The following ZBTB16 variants were observed in gnomAD, a reference collection of about 807,000 sequenced individuals.
The protein encoded by ZBTB16 is zinc finger and BTB domain containing 16.
A neutral mutation model predicts 56.8 loss-of-function variants in ZBTB16; 8 were observed. The observed-to-expected ratio is 0.14, with a 90% confidence interval of 0.08 to 0.25. The LOEUF (loss-of-function observed/expected upper bound fraction) is 0.25. Among genes scored for constraint, ZBTB16 ranks in the 10% least tolerant of loss-of-function variants. ZBTB16 has a pLI of 1.00. For synonymous variants in ZBTB16, 363 were observed against 368.5 expected (o/e 0.98, Z 0.17); for missense variants, 625 against 903.0 (o/e 0.69, Z 3.95).
intron 2 of ZBTB16, among the ~76,000 whole-genome samples, chr11:114,145,761 A>G (rs185829868): frequency 6.6e-6 from 1 of 152,272 alleles, no homozygotes; most frequent in East Asian, 1.9e-4. Context: ...CAAACCAGTG[A>G]ATGGTATACT....
At chr11:114,096,418 A>T (rs377187582) in intron 2 of ZBTB16, among the ~76,000 whole-genome samples, 1 of 152,206 alleles carries the variant, frequency 6.6e-6, no homozygotes, top group African/African-American at 2.4e-5. Flanking sequence ...CCGTTGAGAG[A>T]TGGGAGAATA....
At position 114,064,011 on chromosome 11, in the gene ZBTB16, G is replaced by A. The variant is rs539652875; in HGVS notation, c.711G>A (p.Gly237=). ...TGGCTGGGGGTGGGCGGCACCCTGG[G>A]GTGGCTGAGGTGAAGACGGAGATGA... is the stretch of plus-strand genomic sequence containing the variant. ...PTLAGGGRHP[G]VAEVKTEMMQ... Residue 237 remains glycine, a synonymous_variant, in exon 2 of 7, where the codon GGG becomes GGA. Coordinates refer to ENST00000335953, the MANE Select transcript of ZBTB16 (RefSeq NM_006006.6). This position sits in a 1 kb window ranked among gnomAD's most constrained non-coding sequence, Gnocchi z 4.2. 22 of 1,613,306 alleles carry A rather than the reference G, an allele frequency of 1.4e-5. No individual in the cohort carries two copies. In the East Asian group the frequency reaches 4.5e-4, roughly 33 times the overall value.
intron 2 of ZBTB16, among the ~76,000 whole-genome samples, chr11:114,148,160 C>T (rs535824287): frequency 1.1e-4 from 17 of 152,220 alleles, no homozygotes; most frequent in Non-Finnish European, 2.4e-4. Context: ...TGTGTTTTAG[C>T]ACTCGCAGGC....
Position 114,063,223 on chromosome 11 carries a change from G to A in ZBTB16, c.-78G>A. The A allele has an allele frequency of 6.5e-7, 1 of 1,528,420 alleles. No homozygotes were observed. The allele number at this position is 1,528,420 out of a possible 1,614,324, so 94.7% of individuals were successfully genotyped here. On this transcript the variant is annotated 5_prime_UTR_variant, in exon 2 of 7. Coordinates refer to ENST00000335953, the MANE Select transcript of ZBTB16 (RefSeq NM_006006.6). This position sits in a 1 kb window ranked among gnomAD's most constrained non-coding sequence, Gnocchi z 6.5. ...TTCTTTCTCCTAGCCTCCTCTATTGGCCCAGGAAGCCCACCCAGCCCCGCC... is the reference window on the plus strand; with the variant it reads ...TTCTTTCTCCTAGCCTCCTCTATTGACCCAGGAAGCCCACCCAGCCCCGCC...
rs1023132219 is a variant in ZBTB16 at position 114,164,870 on chromosome 11, A to G, written c.1366+8436A>G. ...TTTTCAGCTCTTCTCTTCTCCTTCT[A>G]TTTCTCCCCAATCTGCTTTCATCTC... On this transcript the variant is annotated intron_variant, in intron 3 of 6. Transcript: ENST00000335953. Among the ~76,000 whole-genome samples, 7 of 145,126 alleles carry G rather than the reference A, an allele frequency of 4.8e-5. No homozygotes were observed. In the South Asian group the frequency reaches 1.1e-3, roughly 23 times the overall value.
chr11:114,227,483 C>T (rs1308061079), intron 4 of ZBTB16, among the ~76,000 whole-genome samples: 1 of 152,240 alleles, frequency 6.6e-6, no homozygotes, highest in East Asian at 1.9e-4. Context: ...ATTCGTCCTT[C>T]TCTCCATCCA....
chr11:114,220,994 C>T (rs558526030), intron 4 of ZBTB16, among the ~76,000 whole-genome samples: 2 of 152,296 alleles, frequency 1.3e-5, no homozygotes, highest in South Asian at 2.1e-4. Flanking sequence ...ATGTGCAGGT[C>T]GTAGAATACG....
At chr11:114,111,871 G>A (rs1941015483) in intron 2 of ZBTB16, among the ~76,000 whole-genome samples, 1 of 152,040 alleles carries the variant, frequency 6.6e-6, no homozygotes, top group Non-Finnish European at 1.5e-5. Flanking sequence ...GAATGTTTTT[G>A]TTGGCTACTG....
At chr11:114,069,535 G>A (rs1203650386) in intron 2 of ZBTB16, among the ~76,000 whole-genome samples, 3 of 152,192 alleles carry the variant, frequency 2.0e-5, no homozygotes, top group African/African-American at 7.2e-5. Flanking sequence ...GTTCTGCCTG[G>A]CCCTTGGCCT....
chr11:114,156,190 T>C, intron 2 of ZBTB16, 147 bp from the exon 3 acceptor site: 2 of 756,744 alleles, frequency 2.6e-6, no homozygotes, highest in Non-Finnish European at 4.6e-6. Context: ...TGTCTGAGGA[T>C]CCAGGGATGT....
At chr11:114,160,082 C>T (rs1013415754) in intron 3 of ZBTB16, among the ~76,000 whole-genome samples, 5 of 152,134 alleles carry the variant, frequency 3.3e-5, no homozygotes, top group African/African-American at 7.2e-5. Context: ...TCAGCAGAGC[C>T]GAACGGCTCT....
At chr11:114,087,264 T>C (rs1193423910) in intron 2 of ZBTB16, among the ~76,000 whole-genome samples, 1 of 152,258 alleles carries the variant, frequency 6.6e-6, no homozygotes, top group Non-Finnish European at 1.5e-5. Context: ...AGTGTCTTTC[T>C]TGACAATCTT....
At chr11:114,151,146 G>T (rs1942268848) in intron 2 of ZBTB16, among the ~76,000 whole-genome samples, 1 of 152,126 alleles carries the variant, frequency 6.6e-6, no homozygotes, top group African/African-American at 2.4e-5. Flanking sequence ...GATCAGAAAG[G>T]GGTGGTCATA....
chr11:114,232,167 C>T (rs909909625), intron 4 of ZBTB16, among the ~76,000 whole-genome samples: 30 of 152,102 alleles, frequency 2.0e-4, no homozygotes, highest in African/African-American at 5.8e-4. Context: ...CAGCTGAATT[C>T]GAGACCAAGG....
At chr11:114,136,628 A>G (rs1941803880) in intron 2 of ZBTB16, among the ~76,000 whole-genome samples, 1 of 151,896 alleles carries the variant, frequency 6.6e-6, no homozygotes, top group South Asian at 2.1e-4. Context: ...AGCTACAGAG[A>G]TGAGCTTTCC....
At position 114,148,389 on chromosome 11, in the gene ZBTB16, CTCCT is replaced by C. The variant is rs1186807216; in HGVS notation, c.1269-7944_1269-7941del. On this transcript the variant is annotated intron_variant, in intron 2 of 6. Coordinates refer to ENST00000335953, the MANE Select transcript of ZBTB16 (RefSeq NM_006006.6). ...CCTTCCTTCCTTCCTTCCTTCCTTC[CTCCT>C]TCCCTCCCTCCCTCCCTCCCTCCCT... Among the ~76,000 whole-genome samples the C allele has an allele frequency of 2.8e-3, 170 of 59,838 alleles. 3 individuals carry two copies. The highest frequency in any genetic ancestry group is 0.011 in the African/African-American group (161 of 14,190). 39.3% of individuals were successfully genotyped at this position (59,838 alleles called of 152,430 possible).
intron 2 of ZBTB16, among the ~76,000 whole-genome samples, chr11:114,137,318 C>T (rs1365349595): frequency 6.6e-6 from 1 of 152,186 alleles, no homozygotes; most frequent in Non-Finnish European, 1.5e-5. Context: ...TTGGTCTTCC[C>T]ACTCATACCG....
intron 3 of ZBTB16, among the ~76,000 whole-genome samples, chr11:114,184,701 G>A (rs1943324611): frequency 6.6e-6 from 1 of 152,180 alleles, no homozygotes; most frequent in East Asian, 1.9e-4. Context: ...ACTATAAATG[G>A]TGGTTGTTGG....
At chr11:114,112,050 G>T (rs763361030) in intron 2 of ZBTB16, among the ~76,000 whole-genome samples, 3 of 152,170 alleles carry the variant, frequency 2.0e-5, no homozygotes, top group African/African-American at 4.8e-5. Context: ...TATGTAAAAG[G>T]TTGTAAATAA....
Sources: allele counts gnomAD v4.1 joint callset (sites outside exome capture counted in the v4.1 genomes callset), GRCh38; gene constraint gnomAD v4.1.1; non-coding constraint Gnocchi (gnomAD v3.1); transcripts MANE v1.5; gene names NCBI Gene and HGNC (gene_info 2026-07-23, HGNC 2026-07-21).